The following WASF2 variants were observed in gnomAD, a reference collection of about 807,000 sequenced individuals.
WASF2 encodes actin-binding protein WASF2.
A neutral mutation model predicts 45.0 loss-of-function variants in WASF2; 14 were observed. That is an observed-to-expected ratio of 0.31 (90% confidence interval 0.21 to 0.49). The LOEUF is 0.49. Among genes scored for constraint, WASF2 ranks in the 20% least tolerant of loss-of-function variants. The pLI is 0.99. For missense variants in WASF2, 439 were observed against 636.1 expected (o/e 0.69, Z 3.33); for synonymous variants, 200 against 236.3 (o/e 0.85, Z 1.41).
Position 27,414,135 on chromosome 1 carries a change from C to G in WASF2, c.668+698G>C, listed in dbSNP as rs761976575. Among the ~76,000 whole-genome samples, 16 of 152,232 alleles carry G rather than the reference C, an allele frequency of 1.1e-4. No homozygotes were observed. Among genetic ancestry groups the G allele is most frequent in the Non-Finnish European group, 1.9e-4 (13 of 68,054 alleles). ...AAACCAGGGCGACATTCATGCCAAG[C>G]AGTCATGGTGACTTGGCTTTGAATG... On this transcript the variant is annotated intron_variant, in intron 6 of 8. Transcript: ENST00000618852. The surrounding 1 kb of genome is among the most constrained non-coding windows in gnomAD (Gnocchi z 4.1).
chr1:27,421,183 G>T (rs142735485), intron 2 of WASF2, among the ~76,000 whole-genome samples: 2 of 152,324 alleles, frequency 1.3e-5, no homozygotes, highest in Non-Finnish European at 1.5e-5. Context: ...TGAGCTCAAA[G>T]AACTCAAATT....
chr1:27,452,150 G>A (rs1340073158), intron 1 of WASF2, among the ~76,000 whole-genome samples: 1 of 152,206 alleles, frequency 6.6e-6, no homozygotes, highest in Non-Finnish European at 1.5e-5. Flanking sequence ...GAGAACACTA[G>A]GCTAGATCAA....
intron 1 of WASF2, among the ~76,000 whole-genome samples, chr1:27,479,735 C>T (rs2148144129): frequency 6.6e-6 from 1 of 152,204 alleles, no homozygotes; most frequent in East Asian, 1.9e-4. Flanking sequence ...TGTGGTGGCA[C>T]ATGCCTATAA....
At chr1:27,446,805 G>C (rs1167005879) in intron 1 of WASF2, among the ~76,000 whole-genome samples, 1 of 149,706 alleles carries the variant, frequency 6.7e-6, no homozygotes, top group Non-Finnish European at 1.5e-5. Flanking sequence ...AAAAGATGAA[G>C]AATGTCTTTG....
intron 1 of WASF2, among the ~76,000 whole-genome samples, chr1:27,452,815 C>A (rs2017402692): frequency 6.6e-6 from 1 of 150,718 alleles, no homozygotes; most frequent in Non-Finnish European, 1.5e-5. Flanking sequence ...GACTCCATCT[C>A]AAAAAATTAA....
At chr1:27,455,246 T>C (rs1486038149) in intron 1 of WASF2, among the ~76,000 whole-genome samples, 2 of 151,772 alleles carry the variant, frequency 1.3e-5, no homozygotes, top group African/African-American at 4.8e-5. Context: ...TAGGAAGGAG[T>C]TACTTTTTGT....
chr1:27,479,247 C>G (rs1329944887), intron 1 of WASF2, among the ~76,000 whole-genome samples: 2 of 151,366 alleles, frequency 1.3e-5, no homozygotes, highest in Admixed American at 1.3e-4. Flanking sequence ...GACTGCGCCA[C>G]TGCACTCCAG....
In WASF2 at chr1:27,438,705, T is replaced by C. The variant is rs542325017; in HGVS notation, c.-43-9772A>G. Among the ~76,000 whole-genome samples, 8 of 152,342 alleles carry C rather than the reference T, an allele frequency of 5.3e-5. No homozygotes were observed. The East Asian group carries it at 1.5e-3, about 29-fold the overall frequency. ...AGCAGTCCTGAGATGTGACTATTAATACACCAACTTAAGTGAGGAGAGAGA... is the reference window on the plus strand; with the variant it reads ...AGCAGTCCTGAGATGTGACTATTAACACACCAACTTAAGTGAGGAGAGAGA... On this transcript the variant is annotated intron_variant, in intron 1 of 8. Transcript: ENST00000618852.
In WASF2 at chr1:27,490,155, C is replaced by A. The variant is rs1030650371; in HGVS notation, c.-213G>T. On this transcript the variant is annotated 5_prime_UTR_variant, in exon 1 of 9. Coordinates refer to ENST00000618852, the MANE Select transcript of WASF2 (RefSeq NM_006990.5). ...TGCCTGTGTCCGCCATTACGCGATT[C>A]CCCGCCCTGGGCGGCAGCCACACCC... is the stretch of plus-strand genomic sequence containing the variant. The A allele has an allele frequency of 6.6e-6, 1 of 152,396 alleles. No homozygotes were observed. Among genetic ancestry groups the A allele is most frequent in the African/African-American group, 2.4e-5 (1 of 41,474 alleles). The allele number at this position is 152,396 out of a possible 1,614,324, so 9.4% of individuals were successfully genotyped here. A position where few individuals can be genotyped will look rare whatever the true frequency, so the allele number is the denominator to read the frequency against.
rs187790680 is a variant in WASF2 at position 27,449,534 on chromosome 1, G to A, written c.-43-20601C>T. ...GAATCACCTGAACCCAGGAGGCGGAGGTTGCAGTGAGCTGAGATCGGGCCA... is the reference window on the plus strand; with the variant it reads ...GAATCACCTGAACCCAGGAGGCGGAAGTTGCAGTGAGCTGAGATCGGGCCA... On this transcript the variant is annotated intron_variant, in intron 1 of 8. Transcript: ENST00000618852. 6.3e-4 allele frequency among the ~76,000 whole-genome samples: 96 copies of A among 152,102 alleles called. No individual in the cohort carries two copies. The East Asian group carries it at 0.018, about 28-fold the overall frequency.
At chr1:27,446,996 T>C (rs1557609312) in intron 1 of WASF2, among the ~76,000 whole-genome samples, 2 of 152,110 alleles carry the variant, frequency 1.3e-5, no homozygotes, top group Admixed American at 6.6e-5. Flanking sequence ...TGGTGACCAA[T>C]GGTAAATAAA....
chr1:27,416,788 T>C (rs1411013546), intron 4 of WASF2, among the ~76,000 whole-genome samples: 1 of 152,234 alleles, frequency 6.6e-6, no homozygotes, highest in Non-Finnish European at 1.5e-5. Flanking sequence ...GCTGTGCCAG[T>C]GGGACAGAGT....
rs1184309780 is a variant in WASF2, at chr1:27,410,089, G to A, written c.942C>T (p.Pro314=). Residue 314 remains proline (P), a synonymous_variant, in exon 8 of 9, where the codon CCC becomes CCT. Coordinates refer to ENST00000618852, the MANE Select transcript of WASF2 (RefSeq NM_006990.5). This position sits in a 1 kb window ranked among gnomAD's most constrained non-coding sequence, Gnocchi z 4.2. Reference sequence around the variant, plus strand: ...GAGGGGCAGGTGGTGGAGCAAACCCGGGTTTAGGGCCTGGTGGAGAGCCTA... The same window carrying A: ...GAGGGGCAGGTGGTGGAGCAAACCCAGGTTTAGGGCCTGGTGGAGAGCCTA... ...PPLGSPPGPK[P]GFAPPPAPPP... 6.2e-6 allele frequency: 10 copies of A among 1,613,442 alleles called. No homozygotes were observed. Among genetic ancestry groups the A allele is most frequent in the Middle Eastern group, 1.7e-4 (1 of 6,040 alleles).
intron 7 of WASF2, 88 bp downstream of exon 7, chr1:27,412,484 T>C: frequency 6.4e-7 from 1 of 1,557,440 alleles, no homozygotes; most frequent in Non-Finnish European, 8.8e-7. Context: ...GAGCTGGGAT[T>C]ACAGGCGTGA....
intron 1 of WASF2, among the ~76,000 whole-genome samples, chr1:27,464,751 C>CAA (rs946942874): frequency 6.6e-6 from 1 of 152,190 alleles, no homozygotes; most frequent in African/African-American, 2.4e-5. Context: ...CATTTTGAGA[C>CAA]AGAGTCTCGC....
intron 1 of WASF2, among the ~76,000 whole-genome samples, chr1:27,466,334 C>T (rs2017610950): frequency 6.6e-6 from 1 of 152,084 alleles, no homozygotes; most frequent in African/African-American, 2.4e-5. Context: ...AATCATCATC[C>T]ATGACCACGT....
chr1:27,411,882 A>G (rs1489240664), intron 7 of WASF2, among the ~76,000 whole-genome samples: 1 of 152,202 alleles, frequency 6.6e-6, no homozygotes, highest in Non-Finnish European at 1.5e-5. Context: ...TAAATAAGTA[A>G]ATAAAATAAA....
intron 1 of WASF2, among the ~76,000 whole-genome samples, chr1:27,477,155 C>CA (rs1289462621): frequency 6.6e-6 from 1 of 151,986 alleles, no homozygotes; most frequent in Non-Finnish European, 1.5e-5. Flanking sequence ...CATCATAGCA[C>CA]AAAAAAGGTA....
chr1:27,420,877 C>G (rs887378195), intron 2 of WASF2, among the ~76,000 whole-genome samples: 2 of 152,062 alleles, frequency 1.3e-5, no homozygotes, highest in East Asian at 1.9e-4. Context: ...TGTGCCCAAT[C>G]AAATGATAAT....
Sources: allele counts gnomAD v4.1 joint callset (sites outside exome capture counted in the v4.1 genomes callset), GRCh38; gene constraint gnomAD v4.1.1; non-coding constraint Gnocchi (gnomAD v3.1); transcripts MANE v1.5; gene names NCBI Gene and HGNC (gene_info 2026-07-23, HGNC 2026-07-21).